Variants in CEP135 observed in about 807,000 individuals in gnomAD.
CEP135 encodes centrosomal protein of 135 kDa.
Under a neutral mutation model 157.3 loss-of-function variants are expected in CEP135, and 142 were observed. That is an observed-to-expected ratio of 0.90 (90% CI 0.79 to 1.04). The LOEUF (loss-of-function observed/expected upper bound fraction) is 1.04, where lower values mean the gene tolerates loss of function less well. CEP135 is among the 50% of genes least tolerant of loss of function. CEP135 has a pLI of 0.00. For synonymous variants in CEP135, 396 were observed against 439.8 expected, an observed-to-expected ratio of 0.90 and a Z score of 1.25; for missense variants, 1,317 against 1,309.2, an observed-to-expected ratio of 1.01 and a Z score of -0.09.
intron 14 of CEP135, among the ~76,000 whole-genome samples, chr4:55,991,280 A>C (rs1729781491): frequency 6.8e-6 from 1 of 146,916 alleles, no homozygotes; most frequent in Non-Finnish European, 1.5e-5. Context: ...TAAAGCAAGT[A>C]TACTTGTATT....
intron 17 of CEP135, among the ~76,000 whole-genome samples, chr4:56,004,678 A>T (rs78446543): frequency 2.7e-4 from 41 of 152,250 alleles, no homozygotes; most frequent in African/African-American, 9.1e-4. Context: ...TTGTCTCTTT[A>T]TAGTCTTTGA....
At chr4:56,008,563 TTC>T (rs1481762751) in intron 18 of CEP135, among the ~76,000 whole-genome samples, 181 bp downstream of exon 18, 1 of 152,238 alleles carries the variant, frequency 6.6e-6, no homozygotes, top group Non-Finnish European at 1.5e-5. Context: ...ACCTCTCCTT[TTC>T]TGTCATCCAC....
intron 1 of CEP135, among the ~76,000 whole-genome samples, chr4:55,949,421 C>G (rs1259956784): frequency 6.6e-6 from 1 of 152,254 alleles, no homozygotes; most frequent in Non-Finnish European, 1.5e-5. Context: ...GTCATCCATG[C>G]TCTTTGTAAC....
chr4:55,980,010 C>A, intron 11 of CEP135, 133 bp from the exon 12 acceptor site: 1 of 738,362 alleles, frequency 1.4e-6, no homozygotes, highest in Non-Finnish European at 2.3e-6. Flanking sequence ...ATTTTTAAAA[C>A]TGTGTTCCTT....
In CEP135 at chr4:56,019,798, G is replaced by A. The variant is rs28611007; in HGVS notation, c.3215+243G>A. On this transcript the variant is annotated intron_variant, in intron 23 of 25. Transcript: ENST00000257287. ...TAAAAATACAAAAAAAAAAAGCCAG[G>A]CGTGGTGGCACACACCTATAGTCCC... Among the ~76,000 whole-genome samples the A allele has an allele frequency of 6.4e-3, 973 of 151,994 alleles. 12 individuals are homozygous for A. The highest frequency in any genetic ancestry group is 0.023 in the African/African-American group (936 of 41,450).
chr4:55,995,561 T>A (rs768512452), intron 15 of CEP135, among the ~76,000 whole-genome samples: 3 of 152,180 alleles, frequency 2.0e-5, no homozygotes, highest in African/African-American at 7.2e-5. Context: ...CTAGGCAATA[T>A]ATAAAATGAA....
intron 23 of CEP135, among the ~76,000 whole-genome samples, 173 bp from the exon 24 acceptor site, chr4:56,020,503 A>C (rs1241723370): frequency 1.3e-5 from 2 of 152,226 alleles, no homozygotes; most frequent in African/African-American, 4.8e-5. Flanking sequence ...TGTTCAGTAC[A>C]TGTTTCATAA....
chr4:56,004,337 A>AT, intron 17 of CEP135, among the ~76,000 whole-genome samples: 1 of 152,322 alleles, frequency 6.6e-6, no homozygotes, highest in Non-Finnish European at 1.5e-5. Flanking sequence ...ACTATGGTCT[A>AT]TTCTGTAGAA....
intron 14 of CEP135, among the ~76,000 whole-genome samples, chr4:55,991,318 CTTTTTTTT>C (rs36216484): frequency 5.2e-5 from 7 of 133,604 alleles, no homozygotes; most frequent in African/African-American, 1.4e-4. Flanking sequence ...CTGTTTTTTT[CTTTTTTTT>C]TTTTTTTGTA....
rs1250103191 is a variant in CEP135, at chr4:55,971,314, A to G, written c.1155A>G (p.Glu385=). 1 of 1,605,626 alleles carries G rather than the reference A, an allele frequency of 6.2e-7. No individual in the cohort carries two copies. Among genetic ancestry groups the G allele is most frequent in the South Asian group, 1.1e-5 (1 of 89,598 alleles). The change falls in exon 10 of 26, where the codon GAA becomes GAG. Residue 385 remains glutamate (E), a synonymous_variant. Transcript: ENST00000257287. ...AAGAAAAGGAGAGACTGAGTGATGAACTCCTTGTAAAATCAGACCTAGAAA... is the reference window on the plus strand; with the variant it reads ...AAGAAAAGGAGAGACTGAGTGATGAGCTCCTTGTAAAATCAGACCTAGAAA... ...CQKEKERLSD[E]LLVKSDLETV... is the part of the protein sequence containing the mutation.
Position 55,992,168 on chromosome 4 carries a change from C to T in CEP135, c.2009+83C>T, listed in dbSNP as rs998340695. ...AAGTTTATAATCATGGCATTTTGGA[C>T]TGGGCCTTTGTGCAGTAGTTTTAGA... On this transcript the variant is annotated intron_variant, in intron 15 of 25. Coordinates refer to ENST00000257287, the MANE Select transcript of CEP135 (RefSeq NM_025009.5). 80 of 1,365,552 alleles carry T rather than the reference C, an allele frequency of 5.9e-5. No homozygotes were observed. The Admixed American group carries it at 1.9e-3, about 32-fold the overall frequency. The allele number at this position is 1,365,552 out of a possible 1,614,324, so 84.6% of individuals were successfully genotyped here.
intron 15 of CEP135, 49 bp downstream of exon 15, chr4:55,992,134 G>A: frequency 6.5e-7 from 1 of 1,549,968 alleles, no homozygotes; most frequent in Admixed American, 2.1e-5. Flanking sequence ...ATGTGTTTGT[G>A]GTTATGTAAA....
At chr4:55,965,477 A>G (rs1407360472) in intron 7 of CEP135, 167 bp from the exon 8 acceptor site, 1 of 547,796 alleles carries the variant, frequency 1.8e-6, no homozygotes, top group Non-Finnish European at 3.2e-6. Flanking sequence ...ATTACACTGC[A>G]CATGGTCAGT....
intron 21 of CEP135, among the ~76,000 whole-genome samples, chr4:56,012,454 T>C (rs1730620972): frequency 6.6e-6 from 1 of 152,118 alleles, no homozygotes; most frequent in Non-Finnish European, 1.5e-5. Flanking sequence ...AGCCCATTAC[T>C]TTTTTTTGTA....
chr4:55,989,457 G>A (rs905374726), intron 14 of CEP135, among the ~76,000 whole-genome samples: 3 of 152,146 alleles, frequency 2.0e-5, no homozygotes, highest in African/African-American at 7.2e-5. Flanking sequence ...GCAGATGTCT[G>A]GTGCCAGAAT....
At chr4:55,958,393 C>T (rs1419104793) in intron 5 of CEP135, among the ~76,000 whole-genome samples, 1 of 152,190 alleles carries the variant, frequency 6.6e-6, no homozygotes, top group East Asian at 1.9e-4. Context: ...TGAGATTGAA[C>T]CACTGCACTT....
At chr4:55,989,443 G>A (rs1330982515) in intron 14 of CEP135, among the ~76,000 whole-genome samples, 1 of 152,172 alleles carries the variant, frequency 6.6e-6, no homozygotes, top group Non-Finnish European at 1.5e-5. Context: ...AGATCACACA[G>A]CTAGCAGATG....
intron 25 of CEP135, 83 bp downstream of exon 25, chr4:56,024,697 G>T: frequency 1.1e-6 from 1 of 932,010 alleles, no homozygotes. Flanking sequence ...CAGGAAAGGG[G>T]AGATTGCCTG....
chr4:55,973,475 A>G (rs1410937049), intron 10 of CEP135, among the ~76,000 whole-genome samples: 1 of 152,208 alleles, frequency 6.6e-6, no homozygotes, highest in African/African-American at 2.4e-5. Context: ...CTGGCCTCAG[A>G]TTAAAAACGT....
Sources: allele counts gnomAD v4.1 joint callset (sites outside exome capture counted in the v4.1 genomes callset), GRCh38; gene constraint gnomAD v4.1.1; transcripts MANE v1.5; gene names NCBI Gene and HGNC (gene_info 2026-07-23, HGNC 2026-07-21).